The following RNF130 variants were observed in gnomAD, a reference collection of about 807,000 sequenced individuals.
The protein encoded by RNF130 is E3 ubiquitin-protein ligase RNF130.
Under a neutral mutation model 44.6 loss-of-function variants are expected in RNF130, and 21 were observed. That is an observed-to-expected ratio of 0.47 (90% CI 0.33 to 0.68). The LOEUF is 0.68. RNF130 is among the 30% of genes least tolerant of loss of function. The probability of loss-of-function intolerance (pLI) is 0.02; values close to 1 mark genes in which losing one functional copy is unlikely to be tolerated. For missense variants in RNF130, 479 were observed against 560.6 expected (o/e 0.85, Z 1.47); for synonymous variants, 214 against 210.4 (o/e 1.02, Z -0.15).
chr5:179,924,426 C>T (rs745979253), intron 7 of RNF130, among the ~76,000 whole-genome samples: 4 of 150,678 alleles, frequency 2.7e-5, no homozygotes, highest in Admixed American at 2.6e-4. Flanking sequence ...ACCCAGGAGG[C>T]GGAGGTTGCG....
chr5:179,944,398 A>G (rs754963780), intron 7 of RNF130, among the ~76,000 whole-genome samples: 1 of 152,222 alleles, frequency 6.6e-6, no homozygotes, highest in East Asian at 1.9e-4. Flanking sequence ...TGACTTAACA[A>G]TTATGTACAG....
chr5:180,060,533 C>T (rs1764948187), intron 1 of RNF130, among the ~76,000 whole-genome samples: 1 of 152,132 alleles, frequency 6.6e-6, no homozygotes, highest in Non-Finnish European at 1.5e-5. Context: ...TGGAATAACG[C>T]CCAGCAGCCT....
chr5:179,984,646 A>T (rs1762914195), intron 3 of RNF130, among the ~76,000 whole-genome samples: 2 of 152,058 alleles, frequency 1.3e-5, no homozygotes, highest in South Asian at 4.1e-4. Context: ...AATTTGCTAA[A>T]TTTTTTAGAA....
chr5:180,051,242 T>TA (rs980471407), intron 1 of RNF130, among the ~76,000 whole-genome samples: 11 of 148,918 alleles, frequency 7.4e-5, no homozygotes, highest in Admixed American at 5.4e-4. Context: ...GATATTATAT[T>TA]TATTTATTTA....
rs555934666 is a variant in RNF130 at position 179,939,604 on chromosome 5, T to G, written c.1151-19178A>C. On this transcript the variant is annotated intron_variant, in intron 7 of 7. Transcript: ENST00000522208. ...ATTTCTAGTAGAAGTTGATATAGAT[T>G]TGAAGTTGCCATTCCACTACCACAA... is the stretch of plus-strand genomic sequence containing the variant. 33 of 429,180 alleles carry G rather than the reference T, an allele frequency of 7.7e-5. No homozygotes were observed. The East Asian group carries it at 1.7e-3, about 23-fold the overall frequency. The allele number at this position is 429,180 out of a possible 1,614,324, so 26.6% of individuals were successfully genotyped here.
chr5:179,912,520 C>A (rs1761480604), exon 8 of RNF130: 1 of 152,240 alleles, frequency 6.6e-6, no homozygotes, highest in South Asian at 2.1e-4. Flanking sequence ...TGGAGAACGC[C>A]TGGAGACAGC....
intron 6 of RNF130, among the ~76,000 whole-genome samples, chr5:179,967,971 A>G (rs1209561303): frequency 6.6e-6 from 1 of 152,222 alleles, no homozygotes; most frequent in African/African-American, 2.4e-5. Context: ...TTTTGTTATA[A>G]ACAGAGGAGA....
chr5:179,974,328 A>G (rs1210723132), intron 5 of RNF130, among the ~76,000 whole-genome samples: 4 of 151,834 alleles, frequency 2.6e-5, no homozygotes, highest in South Asian at 4.2e-4. Context: ...ACGACTACAC[A>G]CTCCGATGGC....
chr5:179,999,213 G>A (rs537426103), intron 3 of RNF130, among the ~76,000 whole-genome samples: 84 of 151,354 alleles, frequency 5.5e-4, no homozygotes, highest in Non-Finnish European at 9.3e-4. Context: ...GTAGAGACAG[G>A]GTTTCACCAT....
rs1429822261 is a variant in RNF130, at chr5:179,955,684, GA to G, written c.1245-16del. ...ACCATTCTACCCTATGGAATAAAAG[GA>G]AAAAAGAGGTCATAAATTAAAGAGT... is the stretch of plus-strand genomic sequence containing the variant. On this transcript the variant is annotated splice_polypyrimidine_tract_variant and intron_variant, in intron 8 of 8. Transcript: ENST00000521389. 1.9e-6 allele frequency: 3 copies of G among 1,562,134 alleles called. No homozygotes were observed. Among genetic ancestry groups the G allele is most frequent in the Non-Finnish European group, 2.6e-6 (3 of 1,151,744 alleles).
At chr5:179,994,401 G>A (rs1763157042) in intron 3 of RNF130, among the ~76,000 whole-genome samples, 1 of 152,164 alleles carries the variant, frequency 6.6e-6, no homozygotes, top group Non-Finnish European at 1.5e-5. Flanking sequence ...GCAGTGGTTT[G>A]TAGTTCTTCT....
chr5:180,029,361 C>A (rs999405775), intron 2 of RNF130, among the ~76,000 whole-genome samples: 2 of 152,264 alleles, frequency 1.3e-5, no homozygotes. Flanking sequence ...CAGGCAGCAT[C>A]TCCACTGAGA....
chr5:180,064,423 A>G (rs1387803581), intron 1 of RNF130, among the ~76,000 whole-genome samples: 1 of 152,156 alleles, frequency 6.6e-6, no homozygotes, highest in African/African-American at 2.4e-5. Context: ...CTACCTGCCC[A>G]TAGTCCCCAG....
intron 2 of RNF130, among the ~76,000 whole-genome samples, chr5:180,014,427 T>C (rs897189069): frequency 6.6e-6 from 1 of 152,188 alleles, no homozygotes; most frequent in African/African-American, 2.4e-5. Context: ...TGAGAGAGAC[T>C]AGGGGTCATT....
At chr5:180,056,302 T>C (rs1049378466) in intron 1 of RNF130, among the ~76,000 whole-genome samples, 1 of 151,220 alleles carries the variant, frequency 6.6e-6, no homozygotes, top group Admixed American at 6.6e-5. Context: ...ATGAGTTTAA[T>C]GCATACCCTG....
intron 5 of RNF130, among the ~76,000 whole-genome samples, chr5:179,974,805 G>A (rs551211420): frequency 5.9e-5 from 9 of 152,352 alleles, no homozygotes; most frequent in South Asian, 2.1e-4. Flanking sequence ...CCAAGAGAAC[G>A]AGGCCCCGAG....
chr5:179,965,766 G>A (rs765997101), intron 7 of RNF130, among the ~76,000 whole-genome samples: 4 of 152,174 alleles, frequency 2.6e-5, no homozygotes, highest in Non-Finnish European at 5.9e-5. Flanking sequence ...AAGCCTCCCT[G>A]AGTTTACACA....
chr5:180,051,027 T>C, intron 1 of RNF130, among the ~76,000 whole-genome samples: 1 of 152,066 alleles, frequency 6.6e-6, no homozygotes, highest in East Asian at 1.9e-4. Flanking sequence ...GGTCTCGAAC[T>C]CCTGAACTCA....
At chr5:180,056,062 C>T (rs1045506453) in intron 1 of RNF130, among the ~76,000 whole-genome samples, 4 of 151,386 alleles carry the variant, frequency 2.6e-5, no homozygotes, top group Admixed American at 2.0e-4. Flanking sequence ...CTGGCCTGGG[C>T]GACAGAGCGA....
Sources: gnomAD v4.1 joint callset for allele counts (sites outside exome capture counted in the v4.1 genomes callset) on GRCh38, gnomAD v4.1.1 for gene constraint, MANE v1.5 for transcripts, NCBI Gene and HGNC (gene_info 2026-07-23, HGNC 2026-07-21) for gene names.